The following AFAP1 variants were observed in gnomAD, a reference collection of about 807,000 sequenced individuals.
AFAP1 encodes the protein actin filament-associated protein 1.
In AFAP1, 75 loss-of-function variants were observed where a neutral mutation model predicts 93.9. The observed-to-expected ratio is 0.80, with a 90% CI of 0.66 to 0.97. AFAP1 has a LOEUF of 0.97. Among genes scored for constraint, AFAP1 ranks in the 50% least tolerant of loss-of-function variants. AFAP1 has a pLI of 0.00. For synonymous variants in AFAP1, 517 were observed against 430.7 expected, an observed-to-expected ratio of 1.20 and a Z score of -2.48; for missense variants, 1,201 against 1,050.8, an observed-to-expected ratio of 1.14 and a Z score of -1.98.
chr4:7,772,633 A>G (rs1302880426), intron 16 of AFAP1, 187 bp downstream of exon 16: 1 of 586,000 alleles, frequency 1.7e-6, no homozygotes, highest in African/African-American at 1.9e-5. Context: ...GTGAGAAAGC[A>G]TGTCAGGAAC....
intron 1 of AFAP1, among the ~76,000 whole-genome samples, chr4:7,889,653 T>A (rs1434168691): frequency 1.3e-5 from 2 of 149,232 alleles, no homozygotes; most frequent in African/African-American, 2.4e-5. Context: ...TTTAAACATG[T>A]GAGGTTTATT....
chr4:7,893,408 G>A (rs1028518457), intron 1 of AFAP1, among the ~76,000 whole-genome samples: 4 of 151,904 alleles, frequency 2.6e-5, no homozygotes, highest in African/African-American at 7.3e-5. Flanking sequence ...GTGAAACCCC[G>A]TCTCTACTAA....
At chr4:7,792,046 C>G (rs1439948724) in intron 11 of AFAP1, among the ~76,000 whole-genome samples, 2 of 152,162 alleles carry the variant, frequency 1.3e-5, no homozygotes, top group East Asian at 1.9e-4. Context: ...TGCTTCTGCC[C>G]TCTGTCACAA....
rs540641784 is a variant in AFAP1, at chr4:7,798,399, G to T, written c.1266+2043C>A. On this transcript the variant is annotated intron_variant, in intron 10 of 17. Coordinates refer to ENST00000420658, the MANE Select transcript of AFAP1 (RefSeq NM_001134647.2). ...CACGGCACTGCAACCCTATTGGCTG[G>T]CTCACAGCACTGCAACTCTATTGGC... Among the ~76,000 whole-genome samples, 116 of 147,672 alleles carry T rather than the reference G, an allele frequency of 7.9e-4. 1 individual carries two copies. Among genetic ancestry groups the T allele is most frequent in the African/African-American group, 2.7e-3 (108 of 39,682 alleles).
rs141338386 is a variant in AFAP1, at chr4:7,819,603, C to T, written c.727-432G>A. ...AGGGTCCAGCCATGCGAACAACTGG[C>T]GGGAAAGGGCTCTGGGCAGCAGGAA... On this transcript the variant is annotated intron_variant, in intron 6 of 17. Transcript: ENST00000420658. Among the ~76,000 whole-genome samples the T allele has an allele frequency of 8.6e-3, 1,313 of 152,214 alleles. 25 individuals carry two copies. Among genetic ancestry groups the T allele is most frequent in the African/African-American group, 0.03 (1,229 of 41,512 alleles).
At chr4:7,782,128 C>T (rs970925022) in intron 12 of AFAP1, among the ~76,000 whole-genome samples, 1 of 152,216 alleles carries the variant, frequency 6.6e-6, no homozygotes, top group African/African-American at 2.4e-5. Context: ...CTTTACACAG[C>T]ACTTCTCACG....
At chr4:7,787,884 G>A (rs866947935) in intron 11 of AFAP1, among the ~76,000 whole-genome samples, 5 of 152,122 alleles carry the variant, frequency 3.3e-5, no homozygotes, top group Admixed American at 6.5e-5. Flanking sequence ...TGGCTCTCGC[G>A]GCTCCCCCAG....
At chr4:7,923,307 T>C (rs1720536858) in intron 1 of AFAP1, among the ~76,000 whole-genome samples, 1 of 152,174 alleles carries the variant, frequency 6.6e-6, no homozygotes, top group Admixed American at 6.5e-5. Context: ...CATAGGCAAA[T>C]ACCATAGGCT....
rs1177053227 is a variant in AFAP1, at chr4:7,781,395, G to T, written c.1763C>A (p.Ser588Tyr). ...VTNTSSVGRA[S>Y]LGLNSQLKGK... ...CCGTACCTGCGAGTTGAGCCCGAGAGACGCCCTCCCCACAGAAGAGGTATT... is the reference window on the plus strand; with the variant it reads ...CCGTACCTGCGAGTTGAGCCCGAGATACGCCCTCCCCACAGAAGAGGTATT... The change falls in exon 13 of 18, where the codon TCT (serine) becomes TAT (tyrosine). Residue 588 changes from serine to tyrosine, a missense_variant. Ser to Tyr is a moderately radical substitution (Grantham distance 144). Coordinates refer to ENST00000420658, the MANE Select transcript of AFAP1 (RefSeq NM_001134647.2). The T allele has an allele frequency of 6.4e-7, 1 of 1,551,668 alleles. No homozygotes were observed. The highest frequency in any genetic ancestry group is 8.7e-7 in the Non-Finnish European group (1 of 1,147,000).
chr4:7,762,920 TC>T lies in AFAP1; in HGVS notation c.*844del, dbSNP rs1714015836. 6.6e-6 allele frequency: 1 copy of T among 152,320 alleles called. No homozygotes were observed. The highest frequency in any genetic ancestry group is 6.5e-5 in the Admixed American group (1 of 15,278). The allele number at this position is 152,320 out of a possible 1,614,324, so 9.4% of individuals were successfully genotyped here. On this transcript the variant is annotated 3_prime_UTR_variant, in exon 18 of 18. Transcript: ENST00000420658. Reference sequence around the variant, plus strand: ...CCTGGTGTGAGAAGCACCTGCCGGCTCCGACGTGGATTAAGGGCTGGGGATG... The same window carrying T: ...CCTGGTGTGAGAAGCACCTGCCGGCTCGACGTGGATTAAGGGCTGGGGATG...
chr4:7,907,023 C>G (rs1020397527), intron 1 of AFAP1, among the ~76,000 whole-genome samples: 5 of 148,156 alleles, frequency 3.4e-5, no homozygotes, highest in African/African-American at 1.2e-4. Context: ...AAAAAAAATT[C>G]AAATGTCACA....
chr4:7,839,365 A>C (rs1301391928), intron 5 of AFAP1, among the ~76,000 whole-genome samples: 2 of 85,018 alleles, frequency 2.4e-5, no homozygotes, highest in Admixed American at 2.7e-4. Context: ...AAAACAAAAA[A>C]ACCCAACACA....
chr4:7,860,476 C>T (rs756127704), intron 3 of AFAP1, among the ~76,000 whole-genome samples: 2 of 152,182 alleles, frequency 1.3e-5, no homozygotes, highest in Non-Finnish European at 2.9e-5. Context: ...GTACTGACCA[C>T]TTGCCTACAA....
intron 3 of AFAP1, among the ~76,000 whole-genome samples, chr4:7,860,333 T>A (rs1715537475): frequency 6.6e-6 from 1 of 152,076 alleles, no homozygotes; most frequent in Non-Finnish European, 1.5e-5. Flanking sequence ...TACTTACTGC[T>A]TGAGCATCCC....
rs1442961285 is a variant in AFAP1 at position 7,781,430 on chromosome 4, C to T, written c.1728G>A (p.Gln576=). ...CCACAGAAGAGGTATTAGTGACAGA[C>T]TGAGCGGAGGCAGGGTATTTGTAAT... is the stretch of plus-strand genomic sequence containing the variant. The part of the protein sequence containing the change: ...SNHYKYPASA[Q]SVTNTSSVGR... The change falls in exon 13 of 18, where the codon CAG becomes CAA. Residue 576 remains glutamine (Q), a synonymous_variant. Transcript: ENST00000420658. 1.3e-6 allele frequency: 2 copies of T among 1,551,958 alleles called. No individual in the cohort carries two copies. Among genetic ancestry groups the T allele is most frequent in the South Asian group, 1.2e-5 (1 of 84,064 alleles).
intron 6 of AFAP1, among the ~76,000 whole-genome samples, chr4:7,828,464 C>G (rs1019803387): frequency 6.6e-6 from 1 of 152,192 alleles, no homozygotes; most frequent in African/African-American, 2.4e-5. Flanking sequence ...CAGCCTCCCC[C>G]ACAGTTTGGC....
At chr4:7,860,076 G>C (rs1242646804) in intron 3 of AFAP1, among the ~76,000 whole-genome samples, 8 of 152,094 alleles carry the variant, frequency 5.3e-5, no homozygotes, top group African/African-American at 2.4e-5. Flanking sequence ...CCGGGAAGTC[G>C]AGGCTGCAGT....
At chr4:7,796,889 G>A (rs745903674) in intron 10 of AFAP1, among the ~76,000 whole-genome samples, 5 of 136,246 alleles carry the variant, frequency 3.7e-5, no homozygotes, top group Admixed American at 7.6e-5. Context: ...GTGAAACCCC[G>A]TCTCTACTAA....
At chr4:7,887,103 C>T (rs55937650) in intron 1 of AFAP1, among the ~76,000 whole-genome samples, 65,103 of 151,968 alleles carry the variant, frequency 0.43, 16,595 homozygotes, top group Non-Finnish European at 0.6. Flanking sequence ...TTTGTAAAGA[C>T]CCTTCCAGAG....
Sources: allele counts gnomAD v4.1 joint callset (sites outside exome capture counted in the v4.1 genomes callset), GRCh38; gene constraint gnomAD v4.1.1; transcripts MANE v1.5; gene names NCBI Gene and HGNC (gene_info 2026-07-23, HGNC 2026-07-21).